LPP: variants seen among roughly 807,000 people sequenced by gnomAD.
LPP encodes LIM domain containing preferred translocation partner in lipoma, also known as lipoma-preferred partner.
LPP carries 38 observed loss-of-function variants against 60.4 expected under a neutral mutation model. That is an observed-to-expected ratio of 0.63 (90% confidence interval 0.49 to 0.83). The LOEUF (loss-of-function observed/expected upper bound fraction) is 0.83. LPP is among the 40% of genes least tolerant of loss of function. The probability of loss-of-function intolerance (pLI) is 0.00; values close to 1 mark genes in which losing one functional copy is unlikely to be tolerated. For missense variants in LPP, 902 were observed against 783.6 expected (o/e 1.15, Z -1.80); for synonymous variants, 328 against 290.8 (o/e 1.13, Z -1.30).
At chr3:188,471,323 C>T (rs1173323293) in intron 4 of LPP, among the ~76,000 whole-genome samples, 1 of 152,104 alleles carries the variant, frequency 6.6e-6, no homozygotes, top group East Asian at 1.9e-4. Flanking sequence ...TTTAATCTAG[C>T]AACAGTTGTA....
chr3:188,259,853 T>G (rs1402771208), intron 2 of LPP, among the ~76,000 whole-genome samples: 1 of 152,116 alleles, frequency 6.6e-6, no homozygotes, highest in Non-Finnish European at 1.5e-5. Flanking sequence ...GGAAGGCTCA[T>G]GTTTAAACTC....
intron 6 of LPP, among the ~76,000 whole-genome samples, chr3:188,543,565 A>G (rs920319834): frequency 6.6e-6 from 1 of 152,172 alleles, no homozygotes; most frequent in Non-Finnish European, 1.5e-5. Context: ...GCAGTTGCAT[A>G]AAGTGCTTTA....
intron 9 of LPP, among the ~76,000 whole-genome samples, chr3:188,839,624 C>G (rs970570064): frequency 1.3e-5 from 2 of 152,058 alleles, no homozygotes; most frequent in African/African-American, 4.8e-5. Flanking sequence ...GAGTAAGTTG[C>G]TTCACTTTGG....
intron 9 of LPP, among the ~76,000 whole-genome samples, chr3:188,812,722 AT>A (rs1320143454): frequency 6.6e-6 from 1 of 151,848 alleles, no homozygotes. Context: ...TTCCTGGGTA[AT>A]TTTTGAGATT....
chr3:188,316,146 C>T (rs1471810340), intron 2 of LPP, among the ~76,000 whole-genome samples: 1 of 152,154 alleles, frequency 6.6e-6, no homozygotes, highest in Non-Finnish European at 1.5e-5. Context: ...GGCATGGTGG[C>T]AGGCACCTGT....
intron 8 of LPP, among the ~76,000 whole-genome samples, chr3:188,742,720 T>A (rs902805439): frequency 6.6e-6 from 1 of 152,148 alleles, no homozygotes. Flanking sequence ...ATGGAAATGT[T>A]CCAGATCCTG....
intron 7 of LPP, among the ~76,000 whole-genome samples, chr3:188,666,952 T>G (rs976235070): frequency 3.3e-5 from 5 of 152,236 alleles, no homozygotes; most frequent in Non-Finnish European, 7.3e-5. Context: ...GTGTTTGTAT[T>G]TTATATCTTT....
intron 5 of LPP, among the ~76,000 whole-genome samples, chr3:188,492,325 C>A (rs1234781794): frequency 6.6e-6 from 1 of 152,108 alleles, no homozygotes; most frequent in East Asian, 1.9e-4. Context: ...TTAGTGGTTT[C>A]TTCAAAGGTG....
chr3:188,254,278 A>G (rs1411257381), intron 2 of LPP, among the ~76,000 whole-genome samples: 2 of 152,190 alleles, frequency 1.3e-5, no homozygotes, highest in Non-Finnish European at 2.9e-5. Flanking sequence ...TCAGTTCAGT[A>G]GGTGTTGCAT....
chr3:188,477,828 A>G (rs995225432), intron 4 of LPP, among the ~76,000 whole-genome samples: 2 of 152,238 alleles, frequency 1.3e-5, no homozygotes, highest in African/African-American at 4.8e-5. Flanking sequence ...ATAGTCCGTG[A>G]TAATACATAC....
Position 188,352,376 on chromosome 3 carries a change from C to T in LPP, c.-10+10657C>T, listed in dbSNP as rs1275749582. ...CGGTGTTGCCATGACACTCCTTGGG[C>T]TCTGTTTAGATCAGCTATTTTCTGA... On this transcript the variant is annotated intron_variant, in intron 3 of 11. Transcript: ENST00000617246. This position sits in a 1 kb window ranked among gnomAD's most constrained non-coding sequence, Gnocchi z 4.4. Among the ~76,000 whole-genome samples, 1 of 152,156 alleles carries T rather than the reference C, an allele frequency of 6.6e-6. No homozygotes were observed. The highest frequency in any genetic ancestry group is 1.5e-5 in the Non-Finnish European group (1 of 68,032).
At chr3:188,592,562 T>TTTTTTTTTTTTTTTTTG (rs1560607436) in intron 6 of LPP, among the ~76,000 whole-genome samples, 5 of 53,744 alleles carry the variant, frequency 9.3e-5, no homozygotes, top group South Asian at 9.6e-4. Flanking sequence ...TTTTTGTTTT[T>TTTTTTTTTTTTTTTTTG]TAAATGGAGT....
rs555317356 is a variant in LPP at position 188,592,222 on chromosome 3, A to G, written c.430-16939A>G. Among the ~76,000 whole-genome samples the G allele has an allele frequency of 4.0e-4, 61 of 152,276 alleles. 1 individual carries two copies. The highest frequency in any genetic ancestry group is 8.2e-4 in the Non-Finnish European group (56 of 68,008). ...TGACTGCTTGGTTATCACACTATAA[A>G]CAACATTTTTGAAGAATTTTAAAAT... On this transcript the variant is annotated intron_variant, in intron 6 of 11. Transcript: ENST00000617246.
At chr3:188,834,999 G>C (rs555231078) in intron 9 of LPP, among the ~76,000 whole-genome samples, 1 of 152,322 alleles carries the variant, frequency 6.6e-6, no homozygotes, top group Admixed American at 6.5e-5. Context: ...GGAAGAGCTT[G>C]TGGCAGAAGT....
chr3:188,550,231 C>T (rs1827735598), intron 6 of LPP, among the ~76,000 whole-genome samples: 1 of 152,040 alleles, frequency 6.6e-6, no homozygotes, highest in Non-Finnish European at 1.5e-5. Flanking sequence ...AGGCATAATT[C>T]AAACTATAGC....
intron 3 of LPP, among the ~76,000 whole-genome samples, chr3:188,349,342 T>C (rs1024064539): frequency 2.0e-5 from 3 of 152,168 alleles, no homozygotes; most frequent in African/African-American, 7.2e-5. Context: ...TCAAAAAGCA[T>C]ATGGATGCTA....
chr3:188,162,879 CGTT>C (rs1046139826), intron 1 of LPP, among the ~76,000 whole-genome samples: 2 of 152,140 alleles, frequency 1.3e-5, no homozygotes, highest in Non-Finnish European at 2.9e-5. Flanking sequence ...TTCAAGTCCT[CGTT>C]GTGCTGTTTA....
intron 6 of LPP, among the ~76,000 whole-genome samples, chr3:188,541,758 A>G (rs1825246915): frequency 6.6e-6 from 1 of 152,078 alleles, no homozygotes; most frequent in Admixed American, 6.6e-5. Flanking sequence ...TTAGCTGTGC[A>G]TGGTGGCGGG....
chr3:188,399,831 G>A (rs990297556), intron 3 of LPP, among the ~76,000 whole-genome samples: 4 of 152,168 alleles, frequency 2.6e-5, no homozygotes, highest in Non-Finnish European at 5.9e-5. Flanking sequence ...TTTTAGAAGA[G>A]TAGCATATTG....
Sources: gnomAD v4.1 joint callset for allele counts (sites outside exome capture counted in the v4.1 genomes callset) on GRCh38, gnomAD v4.1.1 for gene constraint, Gnocchi (gnomAD v3.1) non-coding constraint, MANE v1.5 for transcripts, NCBI Gene and HGNC (gene_info 2026-07-23, HGNC 2026-07-21) for gene names.